The following HPSE2 variants were observed in gnomAD, a reference collection of about 807,000 sequenced individuals.
The protein encoded by HPSE2 is inactive heparanase-2.
Under a neutral mutation model 60.5 loss-of-function variants are expected in HPSE2, and 38 were observed. That is an observed-to-expected ratio of 0.63 (90% CI 0.48 to 0.82). The LOEUF is 0.82. Among genes scored for constraint, HPSE2 ranks in the 40% least tolerant of loss-of-function variants. The probability of loss-of-function intolerance (pLI) is 0.00; values close to 1 mark genes in which losing one functional copy is unlikely to be tolerated. For missense variants in HPSE2, 713 were observed against 740.4 expected, an observed-to-expected ratio of 0.96 and a Z score of 0.43; for synonymous variants, 295 against 293.2, an observed-to-expected ratio of 1.01 and a Z score of -0.06.
At chr10:99,148,228 GT>G (rs1846126875) in intron 2 of HPSE2, among the ~76,000 whole-genome samples, 1 of 152,110 alleles carries the variant, frequency 6.6e-6, no homozygotes, top group African/African-American at 2.4e-5. Flanking sequence ...TCCTGGCTTG[GT>G]ATTCACTTAT....
At chr10:99,223,698 G>A (rs1356683583) in intron 2 of HPSE2, among the ~76,000 whole-genome samples, 2 of 152,154 alleles carry the variant, frequency 1.3e-5, no homozygotes, top group African/African-American at 2.4e-5. Context: ...TTTTGTATGT[G>A]TAACAATAGC....
intron 3 of HPSE2, among the ~76,000 whole-genome samples, chr10:98,819,076 C>G (rs559579256): frequency 6.6e-6 from 1 of 152,316 alleles, no homozygotes; most frequent in East Asian, 1.9e-4. Context: ...AAAGCCTGGA[C>G]ACGGAGTAGG....
rs573453945 is a variant in HPSE2, at chr10:98,496,752, T to C, written c.1321-6556A>G. 1.1e-4 allele frequency among the ~76,000 whole-genome samples: 17 copies of C among 152,362 alleles called. No individual in the cohort carries two copies. In the South Asian group the frequency reaches 3.5e-3, roughly 32 times the overall value. On this transcript the variant is annotated intron_variant, in intron 9 of 11. Transcript: ENST00000370552. The stretch of plus-strand genomic sequence containing the variant: ...GAGACAGATTCATGATGCTTCCTAT[T>C]CTACCATCTTTCCAGAATCCTCTGT...
chr10:99,284,230 T>C, the HPSE2 span, among the ~76,000 whole-genome samples: 1 of 152,082 alleles, frequency 6.6e-6, no homozygotes, highest in Non-Finnish European at 1.5e-5. Context: ...TGGTTCAACA[T>C]ACAAAGTTAA....
intron 9 of HPSE2, among the ~76,000 whole-genome samples, chr10:98,512,540 G>A (rs10786431): frequency 0.8 from 120,922 of 150,646 alleles, 50,496 homozygotes; most frequent in East Asian, 0.96. Context: ...AGCCAAGATC[G>A]CACCACTGCA....
At chr10:99,158,958 G>C (rs1265095856) in intron 2 of HPSE2, among the ~76,000 whole-genome samples, 1 of 152,080 alleles carries the variant, frequency 6.6e-6, no homozygotes, top group African/African-American at 2.4e-5. Flanking sequence ...AATCAAAAGA[G>C]AGACTGTCAG....
At chr10:98,491,809 A>G (rs1264180768) in intron 9 of HPSE2, among the ~76,000 whole-genome samples, 1 of 152,220 alleles carries the variant, frequency 6.6e-6, no homozygotes, top group Non-Finnish European at 1.5e-5. Flanking sequence ...CATGCTGTGA[A>G]GTACAAAGTC....
chr10:98,971,511 T>C (rs1217730913), intron 3 of HPSE2, among the ~76,000 whole-genome samples: 1 of 152,238 alleles, frequency 6.6e-6, no homozygotes, highest in Non-Finnish European at 1.5e-5. Flanking sequence ...CTTTTATAAA[T>C]GTGTATTATT....
intron 3 of HPSE2, among the ~76,000 whole-genome samples, chr10:98,858,117 A>G (rs751266551): frequency 1.1e-4 from 17 of 152,230 alleles, no homozygotes; most frequent in Non-Finnish European, 2.1e-4. Flanking sequence ...ACTGAGGCTC[A>G]GAAAGTTTAA....
intron 11 of HPSE2, among the ~76,000 whole-genome samples, chr10:98,480,093 A>ATT (rs35831340): frequency 0.19 from 27,472 of 145,052 alleles, 2,605 homozygotes; most frequent in East Asian, 0.26. Context: ...CCTCTCCTAC[A>ATT]TTTTTTTTTT....
At chr10:98,834,976 T>C (rs1303775002) in intron 3 of HPSE2, among the ~76,000 whole-genome samples, 1 of 152,148 alleles carries the variant, frequency 6.6e-6, no homozygotes, top group East Asian at 1.9e-4. Context: ...ACTACATAAA[T>C]ATTTTTAAAT....
Position 99,181,397 on chromosome 10 carries a change from C to CA in HPSE2, c.449-36999dup, listed in dbSNP as rs58049545. Among the ~76,000 whole-genome samples, 130 of 104,546 alleles carry CA rather than the reference C, an allele frequency of 1.2e-3. 1 individual carries two copies. Among genetic ancestry groups the CA allele is most frequent in the African/African-American group, 5.2e-3 (95 of 18,366 alleles). The allele number at this position is 104,546 out of a possible 152,430, so 68.6% of individuals were successfully genotyped here. A position where few individuals can be genotyped will look rare whatever the true frequency, so the allele number is the denominator to read the frequency against. On this transcript the variant is annotated intron_variant, in intron 2 of 11. Transcript: ENST00000370552. ...TGGGCGACAGAGCGAGACTCCGTCT[C>CA]AAAAAAAAAAAAAAAAAAAAAAAAG...
chr10:98,530,292 T>C (rs1017988040), intron 9 of HPSE2, among the ~76,000 whole-genome samples: 5 of 152,162 alleles, frequency 3.3e-5, no homozygotes, highest in South Asian at 2.1e-4. Flanking sequence ...GGACTTTAAA[T>C]CTTCTAGTGG....
intron 9 of HPSE2, among the ~76,000 whole-genome samples, chr10:98,517,202 G>C (rs1018936692): frequency 3.3e-5 from 5 of 150,120 alleles, no homozygotes; most frequent in Admixed American, 6.6e-5. Context: ...TGTGGGGTGG[G>C]GGGGGCGAGG....
intron 3 of HPSE2, among the ~76,000 whole-genome samples, chr10:98,981,609 G>A (rs1213706771): frequency 6.6e-6 from 1 of 152,076 alleles, no homozygotes; most frequent in African/African-American, 2.4e-5. Context: ...TGCATAAAAG[G>A]ACACTAGACT....
At chr10:99,179,310 G>T (rs1847661436) in intron 2 of HPSE2, among the ~76,000 whole-genome samples, 1 of 152,136 alleles carries the variant, frequency 6.6e-6, no homozygotes, top group Non-Finnish European at 1.5e-5. Context: ...TATTCAAATA[G>T]GAAAAGAGGA....
intron 3 of HPSE2, among the ~76,000 whole-genome samples, chr10:99,029,283 G>T (rs763748577): frequency 1.2e-4 from 18 of 152,162 alleles, no homozygotes; most frequent in Non-Finnish European, 2.1e-4. Context: ...CAACTCTATA[G>T]GAAAAATATA....
chr10:99,144,335 A>G lies in HPSE2; in HGVS notation c.513T>C (p.Asp171=). The change falls in exon 3 of 12, where the codon GAT becomes GAC. Residue 171 remains aspartate, a synonymous_variant. Coordinates refer to ENST00000370552, the MANE Select transcript of HPSE2 (RefSeq NM_021828.5). ...QKGCKIAQHP[D]VMLELQREKA... ...TCTCCCTTTGGAGCTCCAGCATAAC[A>G]TCAGGGTGCTGGGCAATCTTGCAGC... 1 of 1,614,064 alleles carries G rather than the reference A, an allele frequency of 6.2e-7. No homozygotes were observed. The highest frequency in any genetic ancestry group is 8.5e-7 in the Non-Finnish European group (1 of 1,179,972).
chr10:99,097,264 G>A (rs1233675345), intron 3 of HPSE2, among the ~76,000 whole-genome samples: 2 of 151,982 alleles, frequency 1.3e-5, no homozygotes, highest in East Asian at 3.8e-4. Flanking sequence ...AGGTAACAAA[G>A]AAAAAATAAG....
Sources: gnomAD v4.1 joint callset for allele counts (sites outside exome capture counted in the v4.1 genomes callset) on GRCh38, gnomAD v4.1.1 for gene constraint, MANE v1.5 for transcripts, NCBI Gene and HGNC (gene_info 2026-07-23, HGNC 2026-07-21) for gene names.